The following MRTFA variants were observed in gnomAD, a reference collection of about 807,000 sequenced individuals.
MRTFA encodes myocardin-related transcription factor A.
In MRTFA, 20 loss-of-function variants were observed where a neutral mutation model predicts 83.5. The ratio of observed to expected loss-of-function variants is 0.24; its 90% CI spans 0.17 to 0.35. The LOEUF (loss-of-function observed/expected upper bound fraction) is 0.35, where lower values mean the gene tolerates loss of function less well. MRTFA is among the 10% of genes least tolerant of loss of function. The pLI is 1.00. For missense variants in MRTFA, 1,200 were observed against 1,224.7 expected (o/e 0.98, Z 0.30); for synonymous variants, 659 against 541.2 (o/e 1.22, Z -3.02).
Position 40,462,460 on chromosome 22 carries a change from A to T in MRTFA, c.307+761T>A, listed in dbSNP as rs1602284004. Reference sequence around the variant, plus strand: ...CCAGAAGTTGTATGATTGTTTTTTGACTTACAGTGTATCCAAGTAGTGATA... The same window carrying T: ...CCAGAAGTTGTATGATTGTTTTTTGTCTTACAGTGTATCCAAGTAGTGATA... On this transcript the variant is annotated intron_variant, in intron 4 of 14. Coordinates refer to ENST00000355630, the MANE Select transcript of MRTFA (RefSeq NM_020831.6). Among the ~76,000 whole-genome samples the T allele has an allele frequency of 3.9e-5, 6 of 152,338 alleles. No individual in the cohort carries two copies. The South Asian group carries it at 1.0e-3, about 26-fold the overall frequency.
chr22:40,634,789 G>C (rs1480110060), intron 1 of MRTFA, among the ~76,000 whole-genome samples: 1 of 152,196 alleles, frequency 6.6e-6, no homozygotes, highest in Non-Finnish European at 1.5e-5. Context: ...TATAGGCTGA[G>C]ATTCTATTTC....
chr22:40,470,281 A>ATATATATATATATATAT (rs57079888), intron 3 of MRTFA, among the ~76,000 whole-genome samples: 1 of 123,062 alleles, frequency 8.1e-6, no homozygotes, highest in African/African-American at 3.2e-5. Flanking sequence ...ATATATATAT[A>ATATATATATATATATAT]AAGAAACATA....
chr22:40,539,905 C>T (rs991326530), intron 3 of MRTFA, among the ~76,000 whole-genome samples: 12 of 127,344 alleles, frequency 9.4e-5, no homozygotes, highest in South Asian at 2.5e-4. Flanking sequence ...TCACGGTTAT[C>T]TTTTTTTTTT....
intron 1 of MRTFA, among the ~76,000 whole-genome samples, chr22:40,610,735 A>C (rs770146126): frequency 2.0e-5 from 3 of 152,182 alleles, no homozygotes; most frequent in Non-Finnish European, 2.9e-5. Context: ...ATACATAAGA[A>C]AGAAAATATA....
intron 3 of MRTFA, among the ~76,000 whole-genome samples, chr22:40,516,445 G>GA (rs2054761028): frequency 8.2e-5 from 11 of 134,562 alleles, no homozygotes; most frequent in East Asian, 2.2e-4. Context: ...AAAAAAAAAG[G>GA]AAAAAGAAAA....
chr22:40,590,979 C>CA (rs1453416984), intron 2 of MRTFA, among the ~76,000 whole-genome samples: 1 of 151,500 alleles, frequency 6.6e-6, no homozygotes, highest in African/African-American at 2.4e-5. Context: ...CAAAAAAATA[C>CA]AAAAAATTAG....
At chr22:40,544,803 G>A (rs901524182) in intron 3 of MRTFA, among the ~76,000 whole-genome samples, 10 of 152,136 alleles carry the variant, frequency 6.6e-5, no homozygotes, top group African/African-American at 2.4e-4. Context: ...CAGGCATGGT[G>A]GCACACTCCT....
chr22:40,426,278 T>C (rs1032139358), intron 7 of MRTFA, among the ~76,000 whole-genome samples: 1 of 152,058 alleles, frequency 6.6e-6, no homozygotes, highest in African/African-American at 2.4e-5. Flanking sequence ...CAGCCAGGGT[T>C]CCATTTCCTC....
chr22:40,463,363 A>G, intron 3 of MRTFA, 77 bp from the exon 4 acceptor site: 1 of 1,259,796 alleles, frequency 7.9e-7, no homozygotes, highest in Non-Finnish European at 1.2e-6. Context: ...TTTCAAACGC[A>G]AAAAAAGTCT....
intron 14 of MRTFA, among the ~76,000 whole-genome samples, chr22:40,413,859 G>A (rs1164963053): frequency 6.6e-6 from 1 of 152,200 alleles, no homozygotes; most frequent in African/African-American, 2.4e-5. Context: ...GTCACTAAAT[G>A]ACAGAAATGC....
chr22:40,609,309 T>C (rs1156701503), intron 1 of MRTFA, among the ~76,000 whole-genome samples: 8 of 143,364 alleles, frequency 5.6e-5, no homozygotes, highest in African/African-American at 2.1e-4. Context: ...AAAAAAAAAA[T>C]TACATTTAGC....
At chr22:40,501,958 C>T (rs1196469440) in intron 3 of MRTFA, among the ~76,000 whole-genome samples, 4 of 120,288 alleles carry the variant, frequency 3.3e-5, no homozygotes, top group African/African-American at 6.9e-5. Flanking sequence ...ACCTCCCAGA[C>T]GGGGCGGCTG....
chr22:40,614,880 T>A (rs2056431435), intron 1 of MRTFA, among the ~76,000 whole-genome samples: 2 of 152,344 alleles, frequency 1.3e-5, no homozygotes, highest in South Asian at 2.1e-4. Flanking sequence ...TAAAGTTTTT[T>A]AAAACATATT....
intron 3 of MRTFA, among the ~76,000 whole-genome samples, chr22:40,530,498 T>C (rs575258666): frequency 3.2e-4 from 48 of 152,224 alleles, no homozygotes; most frequent in Non-Finnish European, 4.6e-4. Context: ...GGTTTCACCA[T>C]GTTGGCCAGG....
chr22:40,608,942 C>T (rs1242269763), intron 1 of MRTFA, among the ~76,000 whole-genome samples: 1 of 152,038 alleles, frequency 6.6e-6, no homozygotes, highest in Non-Finnish European at 1.5e-5. Context: ...ATCAAATAAA[C>T]AAGTTTTGGT....
chr22:40,530,528 C>T (rs1428411433), intron 3 of MRTFA, among the ~76,000 whole-genome samples: 11 of 152,230 alleles, frequency 7.2e-5, no homozygotes, highest in Admixed American at 1.3e-4. Flanking sequence ...AACTCCTGAC[C>T]TCAAATGATC....
intron 11 of MRTFA, 148 bp from the exon 12 acceptor site, chr22:40,419,532 C>G: frequency 1.4e-6 from 1 of 690,890 alleles, no homozygotes; most frequent in Non-Finnish European, 2.5e-6. Flanking sequence ...CAATGCCCCC[C>G]ACCACCTGAG....
chr22:40,456,263 G>A (rs1440564793), intron 4 of MRTFA, among the ~76,000 whole-genome samples: 1 of 151,718 alleles, frequency 6.6e-6, no homozygotes, highest in South Asian at 2.1e-4. Context: ...GGGGGTATAT[G>A]AAAAATCTCC....
In MRTFA at chr22:40,542,986, A is replaced by G. The variant is rs555954114; in HGVS notation, c.241+9120T>C. On this transcript the variant is annotated intron_variant, in intron 3 of 14. Coordinates refer to ENST00000355630, the MANE Select transcript of MRTFA (RefSeq NM_020831.6). ...AGAGCAGGAACTCTATCTGGTATCT[A>G]TTCTCCAGGGGCCTAGCATAACATG... is the stretch of plus-strand genomic sequence containing the variant. Among the ~76,000 whole-genome samples, 8 of 152,330 alleles carry G rather than the reference A, an allele frequency of 5.3e-5. 1 individual carries two copies. In the South Asian group the frequency reaches 1.2e-3, roughly 24 times the overall value.
Sources: gnomAD v4.1 joint callset for allele counts (sites outside exome capture counted in the v4.1 genomes callset) on GRCh38, gnomAD v4.1.1 for gene constraint, MANE v1.5 for transcripts, NCBI Gene and HGNC (gene_info 2026-07-23, HGNC 2026-07-21) for gene names.